ESRRB: variants seen among roughly 807,000 people sequenced by gnomAD.
ESRRB encodes steroid hormone receptor ERR2.
Under a neutral mutation model 46.0 loss-of-function variants are expected in ESRRB, and 16 were observed. The ratio of observed to expected loss-of-function variants is 0.35; its 90% CI spans 0.24 to 0.53. The LOEUF (loss-of-function observed/expected upper bound fraction) is 0.53, where lower values mean the gene tolerates loss of function less well. Among genes scored for constraint, ESRRB ranks in the 20% least tolerant of loss-of-function variants. The pLI is 0.93. For synonymous variants in ESRRB, 246 were observed against 259.6 expected, an observed-to-expected ratio of 0.95 and a Z score of 0.50; for missense variants, 488 against 607.4, an observed-to-expected ratio of 0.80 and a Z score of 2.07.
At chr14:76,354,876 A>AT (rs1884360629) in intron 1 of ESRRB, among the ~76,000 whole-genome samples, 1 of 151,426 alleles carries the variant, frequency 6.6e-6, no homozygotes, top group African/African-American at 2.4e-5. Flanking sequence ...CGCCCGGCTA[A>AT]TTTTTTGTAT....
At chr14:76,485,807 C>A (rs1889996031) in intron 5 of ESRRB, among the ~76,000 whole-genome samples, 1 of 152,154 alleles carries the variant, frequency 6.6e-6, no homozygotes, top group African/African-American at 2.4e-5. Flanking sequence ...AGGAGTAGAG[C>A]TCTGAAGAAT....
Position 76,384,372 on chromosome 14 carries a change from T to C in ESRRB, c.50+7921T>C, listed in dbSNP as rs115993593. The stretch of plus-strand genomic sequence containing the variant: ...GCAAAGCAATTCTCGTAACCATTTT[T>C]CTCATAGTAGCTGGATGAGGGTGAC... On this transcript the variant is annotated intron_variant, in intron 1 of 6. Transcript: ENST00000644823. Among the ~76,000 whole-genome samples the C allele has an allele frequency of 6.7e-3, 1,018 of 152,314 alleles. 15 individuals carry two copies. The highest frequency in any genetic ancestry group is 0.023 in the African/African-American group (966 of 41,578).
At chr14:76,458,871 G>A (rs561181584) in intron 2 of ESRRB, among the ~76,000 whole-genome samples, 63 of 139,200 alleles carry the variant, frequency 4.5e-4, no homozygotes, top group Non-Finnish European at 8.4e-4. Context: ...TTGAGACAGA[G>A]TCTCGCTCTG....
chr14:76,467,603 G>T (rs1009957418), intron 3 of ESRRB, among the ~76,000 whole-genome samples: 3 of 151,930 alleles, frequency 2.0e-5, no homozygotes, highest in African/African-American at 7.3e-5. Context: ...GAGGCAGACT[G>T]GTGTCTGGCC....
chr14:76,457,070 T>C (rs55970815), intron 2 of ESRRB, among the ~76,000 whole-genome samples: 42,836 of 152,036 alleles, frequency 0.28, 6,244 homozygotes, highest in African/African-American at 0.35. Flanking sequence ...TGCCCTGCTC[T>C]CTGCAGCTGT....
intron 3 of ESRRB, among the ~76,000 whole-genome samples, chr14:76,475,574 G>A (rs2140018570): frequency 6.6e-6 from 1 of 152,216 alleles, no homozygotes; most frequent in East Asian, 1.9e-4. Context: ...ACGGACACTT[G>A]GGTTGTTTCC....
chr14:76,366,560 G>C (rs1053180701), upstream of ESRRB, among the ~76,000 whole-genome samples: 2 of 152,220 alleles, frequency 1.3e-5, no homozygotes, highest in Admixed American at 6.5e-5. Context: ...CCCATTGCTG[G>C]AAGACAAAAG....
At chr14:76,442,800 T>C (rs192495557) in intron 2 of ESRRB, among the ~76,000 whole-genome samples, 1 of 151,010 alleles carries the variant, frequency 6.6e-6, no homozygotes. Flanking sequence ...AATTTCTTTT[T>C]TCTTTTCTTT....
chr14:76,312,121 G>A (rs1453180606), intron 1 of ESRRB, among the ~76,000 whole-genome samples: 3 of 151,080 alleles, frequency 2.0e-5, no homozygotes, highest in African/African-American at 7.3e-5. Flanking sequence ...ATTTGTTTGG[G>A]AGAACAATAT....
intron 1 of ESRRB, among the ~76,000 whole-genome samples, chr14:76,407,121 C>T (rs896811354): frequency 1.1e-4 from 16 of 152,310 alleles, no homozygotes; most frequent in Middle Eastern, 3.4e-3. Flanking sequence ...GCCGTCGGCC[C>T]CAGGAGTCAC....
rs768300334 is a variant in ESRRB at position 76,439,389 on chromosome 14, C to G, written c.99C>G (p.Cys33Trp). 6.2e-7 allele frequency: 1 copy of G among 1,613,556 alleles called. No homozygotes were observed. The highest frequency in any genetic ancestry group is 8.5e-7 in the Non-Finnish European group (1 of 1,180,048). Residue 33 changes from cysteine (C) to tryptophan (W), a missense_variant, in exon 2 of 7, where the codon TGC becomes TGG. Transcript: ENST00000644823. Reference sequence around the variant, plus strand: ...ACGACAGGCACCTGGGCTCCAGCTGCGGCTCCTTCATCAAGACTGAGCCGT... The same window carrying G: ...ACGACAGGCACCTGGGCTCCAGCTGGGGCTCCTTCATCAAGACTGAGCCGT... ...SSDDRHLGSS[C>W]GSFIKTEPSS...
intron 1 of ESRRB, among the ~76,000 whole-genome samples, chr14:76,348,473 C>T (rs1884275306): frequency 6.6e-6 from 1 of 152,178 alleles, no homozygotes; most frequent in South Asian, 2.1e-4. Flanking sequence ...TTCAATTTTT[C>T]TGGGCTGTCC....
At chr14:76,311,095 G>A (rs1883727873) in intron 1 of ESRRB, among the ~76,000 whole-genome samples, 1 of 151,622 alleles carries the variant, frequency 6.6e-6, no homozygotes, top group African/African-American at 2.4e-5. Flanking sequence ...CTGTGTGGCC[G>A]AGAGGAAAAC....
At chr14:76,366,088 C>T (rs1218426536) in intron 1 of ESRRB, among the ~76,000 whole-genome samples, 1 of 152,116 alleles carries the variant, frequency 6.6e-6, no homozygotes, top group African/African-American at 2.4e-5. Context: ...TCTCCCCTAC[C>T]TTCAGGGAGT....
chr14:76,358,035 G>A (rs1884404517), intron 1 of ESRRB, among the ~76,000 whole-genome samples: 1 of 152,034 alleles, frequency 6.6e-6, no homozygotes, highest in Non-Finnish European at 1.5e-5. Context: ...TTGCAGGCTG[G>A]GCACGGTGGC....
rs759164586 is a variant in ESRRB, at chr14:76,482,138, G to A, written c.688+12G>A. 1.3e-5 allele frequency: 20 copies of A among 1,597,676 alleles called. No homozygotes were observed. The highest frequency in any genetic ancestry group is 1.7e-5 in the Non-Finnish European group (20 of 1,165,244). On this transcript the variant is annotated intron_variant, in intron 4 of 6. Transcript: ENST00000644823. This position sits in a 1 kb window ranked among gnomAD's most constrained non-coding sequence, Gnocchi z 4.3. Reference sequence around the variant, plus strand: ...TGCTAAAAAGCCATGTGAGTGTCAGGGCAGTCCCTGCCCCTTTTGCCAGCA... The same window carrying A: ...TGCTAAAAAGCCATGTGAGTGTCAGAGCAGTCCCTGCCCCTTTTGCCAGCA...
chr14:76,421,345 C>T (rs1038717483), intron 1 of ESRRB, among the ~76,000 whole-genome samples: 1 of 152,168 alleles, frequency 6.6e-6, no homozygotes, highest in African/African-American at 2.4e-5. Context: ...CTGACAATGT[C>T]TGGTGCCTCG....
At chr14:76,478,615 G>T (rs1399956680) in intron 3 of ESRRB, among the ~76,000 whole-genome samples, 1 of 152,038 alleles carries the variant, frequency 6.6e-6, no homozygotes, top group Non-Finnish European at 1.5e-5. Context: ...GCATATAGTA[G>T]GTGCTCAGTA....
At chr14:76,411,751 G>A (rs1305411131) in intron 1 of ESRRB, among the ~76,000 whole-genome samples, 1 of 152,124 alleles carries the variant, frequency 6.6e-6, no homozygotes, top group East Asian at 1.9e-4. Context: ...CCTGGTACAT[G>A]GTAATCTCTC....
Sources: gnomAD v4.1 joint callset for allele counts (sites outside exome capture counted in the v4.1 genomes callset) on GRCh38, gnomAD v4.1.1 for gene constraint, Gnocchi (gnomAD v3.1) non-coding constraint, MANE v1.5 for transcripts, NCBI Gene and HGNC (gene_info 2026-07-23, HGNC 2026-07-21) for gene names.